Variants in PNPLA8 observed in about 807,000 individuals in gnomAD.
The protein encoded by PNPLA8 is calcium-independent phospholipase A2-gamma.
A neutral mutation model predicts 76.9 loss-of-function variants in PNPLA8; 39 were observed. The observed-to-expected ratio is 0.51, with a 90% CI of 0.39 to 0.66. The LOEUF (loss-of-function observed/expected upper bound fraction) is 0.66, where lower values mean the gene tolerates loss of function less well. Ranked by LOEUF, PNPLA8 falls within the 30% of genes least tolerant of loss-of-function variation. The pLI is 0.00. For synonymous variants in PNPLA8, 301 were observed against 307.9 expected (o/e 0.98, Z 0.24); for missense variants, 887 against 918.0 (o/e 0.97, Z 0.44).
chr7:108,520,992 ACAGCAGT>A (rs1239295482), intron 2 of PNPLA8, among the ~76,000 whole-genome samples: 1 of 152,192 alleles, frequency 6.6e-6, no homozygotes, highest in African/African-American at 2.4e-5. Flanking sequence ...CAGGCCTGGA[ACAGCAGT>A]CATACTATCC....
At chr7:108,510,506 A>G in intron 4 of PNPLA8, 3 of 1,378,950 alleles carry the variant, frequency 2.2e-6, no homozygotes, top group Non-Finnish European at 3.1e-6. Context: ...GGCATTTGTC[A>G]TCAGAATCAG....
intron 10 of PNPLA8, among the ~76,000 whole-genome samples, chr7:108,476,982 G>T (rs761080019): frequency 2.0e-5 from 3 of 152,150 alleles, no homozygotes; most frequent in Non-Finnish European, 4.4e-5. Flanking sequence ...AGACACTGGG[G>T]AGTAGGGGAA....
chr7:108,521,094 G>T (rs1422014310), intron 2 of PNPLA8, among the ~76,000 whole-genome samples: 1 of 151,794 alleles, frequency 6.6e-6, no homozygotes, highest in Non-Finnish European at 1.5e-5. Flanking sequence ...TACAAAACAT[G>T]CAAAGAAATG....
chr7:108,526,511 AT>A (rs1415501585), upstream of PNPLA8, among the ~76,000 whole-genome samples: 1 of 152,304 alleles, frequency 6.6e-6, no homozygotes, highest in Admixed American at 6.5e-5. Context: ...GCGGGCCGCT[AT>A]TCCCTTTCAG....
At chr7:108,507,873 C>T (rs916100823) in intron 4 of PNPLA8, among the ~76,000 whole-genome samples, 60 of 148,862 alleles carry the variant, frequency 4.0e-4, no homozygotes, top group East Asian at 3.9e-4. Context: ...GTTCAATATA[C>T]GCAAATCAAT....
In PNPLA8 at chr7:108,480,140, G is replaced by A. The variant is rs143762934; in HGVS notation, c.1879-761C>T. Reference sequence around the variant, plus strand: ...TCAGCACTTTGGGAGGCCAAGGCAGGAGAATCGCTTGAGTCCGAGAGTTCA... The same window carrying A: ...TCAGCACTTTGGGAGGCCAAGGCAGAAGAATCGCTTGAGTCCGAGAGTTCA... On this transcript the variant is annotated intron_variant, in intron 9 of 10. Coordinates refer to ENST00000257694, the MANE Select transcript of PNPLA8 (RefSeq NM_001256007.3). Among the ~76,000 whole-genome samples the A allele has an allele frequency of 6.5e-3, 993 of 152,258 alleles. 13 individuals are homozygous for A. The highest frequency in any genetic ancestry group is 0.023 in the African/African-American group (937 of 41,560).
intron 4 of PNPLA8, among the ~76,000 whole-genome samples, chr7:108,509,085 C>A (rs1318383965): frequency 1.8e-5 from 2 of 114,146 alleles, no homozygotes; most frequent in Non-Finnish European, 3.7e-5. Flanking sequence ...AGAAGAAAAC[C>A]TAGGCATTAC....
intron 4 of PNPLA8, among the ~76,000 whole-genome samples, chr7:108,503,595 A>G (rs1287740999): frequency 6.6e-6 from 1 of 152,192 alleles, no homozygotes; most frequent in Non-Finnish European, 1.5e-5. Context: ...CAACAAGAAA[A>G]TCTTGATGAA....
intron 4 of PNPLA8, among the ~76,000 whole-genome samples, chr7:108,507,253 G>C (rs905383873): frequency 7.3e-6 from 1 of 137,410 alleles, no homozygotes; most frequent in Admixed American, 8.1e-5. Flanking sequence ...TGAGGCAGGA[G>C]AATCCCTTGA....
chr7:108,526,034 T>C lies in PNPLA8; in HGVS notation c.-135A>G, dbSNP rs2154517384. On this transcript the variant is annotated 5_prime_UTR_variant, in exon 1 of 11. Coordinates refer to ENST00000257694, the MANE Select transcript of PNPLA8 (RefSeq NM_001256007.3). Reference sequence around the variant, plus strand: ...GTCCCCTCGCGGCTACTTACCGGGATGCAGGCCGCAGTCACTAGGGCTGCA... The same window carrying C: ...GTCCCCTCGCGGCTACTTACCGGGACGCAGGCCGCAGTCACTAGGGCTGCA... 1.0e-6 allele frequency: 1 copy of C among 985,420 alleles called. No homozygotes were observed. Among genetic ancestry groups the C allele is most frequent in the Non-Finnish European group, 1.2e-6 (1 of 829,816 alleles). The allele number at this position is 985,420 out of a possible 1,614,324, so 61.0% of individuals were successfully genotyped here. A position where few individuals can be genotyped will look rare whatever the true frequency, so the allele number is the denominator to read the frequency against.
chr7:108,488,008 T>G (rs565461120), intron 8 of PNPLA8, 55 bp from the exon 9 acceptor site: 2 of 1,082,854 alleles, frequency 1.8e-6, no homozygotes, highest in Non-Finnish European at 1.4e-6. Context: ...ATTTGGGATC[T>G]GTAAAAATTA....
rs189407838 is a variant in PNPLA8, at chr7:108,479,720, T to C, written c.1879-341A>G. 7.2e-4 allele frequency: 151 copies of C among 209,230 alleles called. 3 individuals carry two copies. In the East Asian group the frequency reaches 0.017, roughly 23 times the overall value. The allele number at this position is 209,230 out of a possible 1,614,324, so 13.0% of individuals were successfully genotyped here. On this transcript the variant is annotated intron_variant, in intron 9 of 10. Coordinates refer to ENST00000257694, the MANE Select transcript of PNPLA8 (RefSeq NM_001256007.3). ...TACTTAAAGCCTAACAGAAAAGAAC[T>C]GTGGTTCTACCAAACAATTAAAATT... is the stretch of plus-strand genomic sequence containing the variant.
In PNPLA8 at chr7:108,502,659, G is replaced by GCAAC; in HGVS notation, c.1207-18_1207-17insGTTG. The GCAAC allele has an allele frequency of 6.3e-7, 1 of 1,587,084 alleles. No individual in the cohort carries two copies. Among genetic ancestry groups the GCAAC allele is most frequent in the Non-Finnish European group, 8.6e-7 (1 of 1,159,624 alleles). On this transcript the variant is annotated splice_polypyrimidine_tract_variant and intron_variant, in intron 4 of 10. Transcript: ENST00000257694. Reference sequence around the variant, plus strand: ...AATTCTTTCCTATATTGAGAGAAAAGATACTTTGTTGCTTTTGTCAAATCA... The same window carrying GCAAC: ...AATTCTTTCCTATATTGAGAGAAAAGCAACATACTTTGTTGCTTTTGTCAAATCA...
intron 10 of PNPLA8, among the ~76,000 whole-genome samples, chr7:108,478,695 T>C (rs1860172892): frequency 6.6e-6 from 1 of 152,076 alleles, no homozygotes; most frequent in Non-Finnish European, 1.5e-5. Context: ...CCCAACCTAA[T>C]TTGCATTTTA....
intron 4 of PNPLA8, among the ~76,000 whole-genome samples, chr7:108,503,049 A>G (rs149160513): frequency 2.4e-4 from 37 of 152,236 alleles, no homozygotes; most frequent in African/African-American, 8.7e-4. Flanking sequence ...AAAAAGAAAT[A>G]ATGAACCATC....
intron 7 of PNPLA8, among the ~76,000 whole-genome samples, chr7:108,495,526 T>G (rs1861485080): frequency 6.6e-6 from 1 of 152,192 alleles, no homozygotes; most frequent in African/African-American, 2.4e-5. Flanking sequence ...ATAGTGCTTT[T>G]GTTCTTAGTG....
chr7:108,486,746 T>A (rs1340778261), intron 9 of PNPLA8, among the ~76,000 whole-genome samples: 1 of 152,124 alleles, frequency 6.6e-6, no homozygotes, highest in Non-Finnish European at 1.5e-5. Context: ...ATTAGAAAGT[T>A]TTGAAGTTTA....
At chr7:108,493,041 C>G (rs932551221) in intron 7 of PNPLA8, among the ~76,000 whole-genome samples, 2 of 152,126 alleles carry the variant, frequency 1.3e-5, no homozygotes, top group Non-Finnish European at 2.9e-5. Flanking sequence ...GTAGAGCCAC[C>G]AAGTGAGCTC....
chr7:108,514,712 T>C lies in PNPLA8; in HGVS notation c.780A>G (p.Ser260=), dbSNP rs1863184041. The C allele has an allele frequency of 6.2e-7, 1 of 1,614,022 alleles. No individual in the cohort carries two copies. The highest frequency in any genetic ancestry group is 8.5e-7 in the Non-Finnish European group (1 of 1,179,896). The stretch of plus-strand genomic sequence containing the variant: ...GCTTGTCCACCGTATGTACAGATTC[T>C]GAGCCTGGCTTATAAGCCAGGATGC... ...DPGILAYKPG[S]ESVHTVDKPT... Residue 260 remains serine (S), a synonymous_variant, in exon 3 of 11, where the codon TCA becomes TCG. Coordinates refer to ENST00000257694, the MANE Select transcript of PNPLA8 (RefSeq NM_001256007.3).
Sources: gnomAD v4.1 joint callset for allele counts (sites outside exome capture counted in the v4.1 genomes callset) on GRCh38, gnomAD v4.1.1 for gene constraint, MANE v1.5 for transcripts, NCBI Gene and HGNC (gene_info 2026-07-23, HGNC 2026-07-21) for gene names.